HNF4G: variants seen among roughly 807,000 people sequenced by gnomAD.
HNF4G encodes the protein hepatocyte nuclear factor 4-gamma.
Under a neutral mutation model 50.9 loss-of-function variants are expected in HNF4G, and 21 were observed. That is an observed-to-expected ratio of 0.41 (90% CI 0.29 to 0.59). HNF4G has a LOEUF of 0.59. Among genes scored for constraint, HNF4G ranks in the 20% least tolerant of loss-of-function variants. The probability of loss-of-function intolerance (pLI) is 0.26; values close to 1 mark genes in which losing one functional copy is unlikely to be tolerated. For missense variants in HNF4G, 527 were observed against 559.4 expected (o/e 0.94, Z 0.58); for synonymous variants, 198 against 185.6 (o/e 1.07, Z -0.54).
intron 1 of HNF4G, among the ~76,000 whole-genome samples, chr8:75,415,785 G>C (rs1313972493): frequency 2.6e-5 from 4 of 151,832 alleles, no homozygotes; most frequent in Non-Finnish European, 4.4e-5. Flanking sequence ...GTGTTGGGGG[G>C]TGGGGGGCAT....
rs539525808 is a variant in HNF4G at position 75,564,144 on chromosome 8, G to A, written c.*48G>A. 28 of 1,601,024 alleles carry A rather than the reference G, an allele frequency of 1.7e-5. No individual in the cohort carries two copies. The African/African-American group carries it at 2.8e-4, about 16-fold the overall frequency. Reference sequence around the variant, plus strand: ...CACTACATAAATGTGAAAAGTTGTTGATCTTGAAATATCTCAGGATAGCAC... The same window carrying A: ...CACTACATAAATGTGAAAAGTTGTTAATCTTGAAATATCTCAGGATAGCAC... On this transcript the variant is annotated 3_prime_UTR_variant, in exon 10 of 10. Transcript: ENST00000396423.
chr8:75,429,461 G>T (rs188280225), intron 1 of HNF4G, among the ~76,000 whole-genome samples: 1 of 151,008 alleles, frequency 6.6e-6, no homozygotes, highest in East Asian at 2.0e-4. Flanking sequence ...TCTTACCATT[G>T]TCCCTACTTC....
At chr8:75,502,195 G>A (rs1213495719) in intron 2 of HNF4G, among the ~76,000 whole-genome samples, 1 of 152,056 alleles carries the variant, frequency 6.6e-6, no homozygotes, top group East Asian at 1.9e-4. Context: ...ATTAACTATG[G>A]TCAGCATTTA....
intron 2 of HNF4G, among the ~76,000 whole-genome samples, chr8:75,525,809 T>C (rs1806162428): frequency 6.6e-6 from 1 of 152,210 alleles, no homozygotes. Flanking sequence ...ATAGTAATGG[T>C]CATTTTAAAT....
rs2941484 is a variant in HNF4G at position 75,566,533 on chromosome 8, C to T, written c.*2437C>T. ...ATTTATAATATTATATTTTTATATA[C>T]TGAACTGCCATAGATGCTGGAAAAA... On this transcript the variant is annotated 3_prime_UTR_variant, in exon 10 of 10. Transcript: ENST00000396423. The T allele has an allele frequency of 0.51, 77,500 of 152,240 alleles. 21,026 individuals are homozygous for T. Among genetic ancestry groups the T allele is most frequent in the African/African-American group, 0.71 (29,630 of 41,460 alleles). The allele number at this position is 152,240 out of a possible 1,614,324, so 9.4% of individuals were successfully genotyped here.
chr8:75,540,368 T>A (rs975771162), intron 1 of HNF4G, among the ~76,000 whole-genome samples: 5 of 152,164 alleles, frequency 3.3e-5, no homozygotes, highest in Non-Finnish European at 7.4e-5. Context: ...TCAGCTGTTA[T>A]TTTATTTGCT....
chr8:75,445,052 G>A (rs376704384), intron 1 of HNF4G, among the ~76,000 whole-genome samples: 2 of 150,272 alleles, frequency 1.3e-5, no homozygotes, highest in Non-Finnish European at 3.0e-5. Context: ...CAGCAAATGT[G>A]AAAGAACAGA....
At chr8:75,507,741 GAATT>G (rs1001220110) in intron 2 of HNF4G, among the ~76,000 whole-genome samples, 2 of 152,090 alleles carry the variant, frequency 1.3e-5, no homozygotes, top group Non-Finnish European at 2.9e-5. Context: ...TGTTCAAAAA[GAATT>G]AATTCATCAA....
At chr8:75,461,258 C>A (rs765591731) in intron 1 of HNF4G, among the ~76,000 whole-genome samples, 21 of 152,228 alleles carry the variant, frequency 1.4e-4, no homozygotes, top group Admixed American at 2.6e-4. Flanking sequence ...TCTGAAGAAG[C>A]CAGGAAAATC....
At chr8:75,515,429 T>C (rs1805863608) in intron 2 of HNF4G, among the ~76,000 whole-genome samples, 1 of 152,078 alleles carries the variant, frequency 6.6e-6, no homozygotes, top group Middle Eastern at 3.2e-3. Flanking sequence ...CATACATATA[T>C]ATTCATTATA....
chr8:75,518,366 C>A (rs921239702), intron 2 of HNF4G, among the ~76,000 whole-genome samples: 12 of 151,984 alleles, frequency 7.9e-5, no homozygotes, highest in Admixed American at 7.2e-4. Flanking sequence ...AATAGGAACA[C>A]TTTTACACTG....
intron 3 of HNF4G, among the ~76,000 whole-genome samples, chr8:75,548,445 A>G (rs1806855353): frequency 6.6e-6 from 1 of 152,228 alleles, no homozygotes; most frequent in South Asian, 2.1e-4. Context: ...CTAAAGCTTC[A>G]ATAGTGAACA....
chr8:75,437,624 G>A (rs191135090), intron 1 of HNF4G, among the ~76,000 whole-genome samples: 21 of 152,118 alleles, frequency 1.4e-4, no homozygotes, highest in Middle Eastern at 3.4e-3. Context: ...GCAGTGAGCC[G>A]AGATCACGCC....
At chr8:75,536,692 G>A (rs1418950098), upstream of HNF4G, among the ~76,000 whole-genome samples, 1 of 151,944 alleles carries the variant, frequency 6.6e-6, no homozygotes, top group Non-Finnish European at 1.5e-5. Flanking sequence ...CATGTTTATT[G>A]AGTTATAAAA....
chr8:75,481,829 C>CAA (rs202210681), intron 1 of HNF4G, among the ~76,000 whole-genome samples: 5 of 150,550 alleles, frequency 3.3e-5, no homozygotes, highest in South Asian at 2.1e-4. Flanking sequence ...AATGCCCAAA[C>CAA]AAAAAAAAAT....
At chr8:75,507,454 T>G (rs1028391314) in intron 2 of HNF4G, among the ~76,000 whole-genome samples, 3 of 152,094 alleles carry the variant, frequency 2.0e-5, no homozygotes, top group Non-Finnish European at 2.9e-5. Flanking sequence ...AGAGATGGGA[T>G]TTCACCATCA....
intron 2 of HNF4G, among the ~76,000 whole-genome samples, chr8:75,505,355 T>C (rs1813048456): frequency 6.6e-6 from 1 of 152,274 alleles, no homozygotes; most frequent in African/African-American, 2.4e-5. Flanking sequence ...GTACTATCCA[T>C]TTCTTGCCTC....
intron 1 of HNF4G, among the ~76,000 whole-genome samples, chr8:75,541,090 C>G (rs1806608306): frequency 6.6e-6 from 1 of 152,014 alleles, no homozygotes; most frequent in Non-Finnish European, 1.5e-5. Flanking sequence ...CAGGAAATCA[C>G]TGTTTTGTGT....
At chr8:75,504,443 T>G (rs1813019232) in intron 2 of HNF4G, among the ~76,000 whole-genome samples, 1 of 152,168 alleles carries the variant, frequency 6.6e-6, no homozygotes, top group African/African-American at 2.4e-5. Flanking sequence ...AGGTCAAAAG[T>G]TACAAGCATT....
Sources: allele counts gnomAD v4.1 joint callset (sites outside exome capture counted in the v4.1 genomes callset), GRCh38; gene constraint gnomAD v4.1.1; transcripts MANE v1.5; gene names NCBI Gene and HGNC (gene_info 2026-07-23, HGNC 2026-07-21).